Variants in PCDHGA2 observed in about 807,000 individuals in gnomAD.
The protein encoded by PCDHGA2 is protocadherin gamma-A2.
A neutral mutation model predicts 59.2 loss-of-function variants in PCDHGA2; 40 were observed. The ratio of observed to expected loss-of-function variants is 0.68; its 90% CI spans 0.52 to 0.88. PCDHGA2 has a LOEUF of 0.88. Among genes scored for constraint, PCDHGA2 ranks in the 40% least tolerant of loss-of-function variants. The pLI is 0.00. For synonymous variants in PCDHGA2, 560 were observed against 526.0 expected, an observed-to-expected ratio of 1.06 and a Z score of -0.89; for missense variants, 1,226 against 1,204.0, an observed-to-expected ratio of 1.02 and a Z score of -0.27.
chr5:141,366,208 G>A (rs1017414789), intron 1 of PCDHGA2: 2 of 1,613,700 alleles, frequency 1.2e-6, no homozygotes, highest in African/African-American at 1.3e-5. Flanking sequence ...CGGGCGAGGT[G>A]CGCACAGCGC....
At chr5:141,368,027 C>A (rs1267918873) in intron 1 of PCDHGA2, among the ~76,000 whole-genome samples, 1 of 152,084 alleles carries the variant, frequency 6.6e-6, no homozygotes, top group Non-Finnish European at 1.5e-5. Flanking sequence ...GCCTCAAATT[C>A]CAGGAGGATG....
intron 1 of PCDHGA2, among the ~76,000 whole-genome samples, chr5:141,453,065 G>A (rs1308047230): frequency 3.3e-5 from 5 of 151,960 alleles, no homozygotes; most frequent in African/African-American, 1.2e-4. Flanking sequence ...TTAGAGTTTT[G>A]CCACACTCTG....
intron 1 of PCDHGA2, chr5:141,414,594 C>T: frequency 1.2e-6 from 2 of 1,613,952 alleles, no homozygotes; most frequent in Non-Finnish European, 1.7e-6. Flanking sequence ...CCAGGGGTGC[C>T]TCCATCTTCT....
chr5:141,489,775 T>C lies in PCDHGA2; in HGVS notation c.2425-5032T>C, dbSNP rs748163008. The C allele has an allele frequency of 6.2e-7, 1 of 1,614,110 alleles. No homozygotes were observed. The highest frequency in any genetic ancestry group is 8.5e-7 in the Non-Finnish European group (1 of 1,179,986). Reference sequence around the variant, plus strand: ...CACTCTAAGCCCCAACAGCCACTTCTCTCTGAATGTGAAGACCCTAAAAGA... The same window carrying C: ...CACTCTAAGCCCCAACAGCCACTTCCCTCTGAATGTGAAGACCCTAAAAGA... On this transcript the variant is annotated intron_variant, in intron 1 of 3. Coordinates refer to ENST00000394576, the MANE Select transcript of PCDHGA2 (RefSeq NM_018915.4). This position sits in a 1 kb window ranked among gnomAD's most constrained non-coding sequence, Gnocchi z 4.5.
intron 1 of PCDHGA2, among the ~76,000 whole-genome samples, chr5:141,435,043 C>T (rs2097739230): frequency 1.3e-5 from 2 of 151,658 alleles, no homozygotes; most frequent in African/African-American, 2.4e-5. Flanking sequence ...ATTTTTTTCC[C>T]ATTGACCATG....
At chr5:141,415,753 T>TG in intron 1 of PCDHGA2, 2 of 1,381,386 alleles carry the variant, frequency 1.4e-6, no homozygotes, top group Non-Finnish European at 1.9e-6. Context: ...TTTTTTTTTT[T>TG]TTTTTTTTTT....
chr5:141,368,313 G>A (rs1765575616), intron 1 of PCDHGA2, among the ~76,000 whole-genome samples: 1 of 152,024 alleles, frequency 6.6e-6, no homozygotes, highest in South Asian at 2.1e-4. Flanking sequence ...CTGTTAAAGA[G>A]CATTCAAGTA....
Position 141,487,650 on chromosome 5 carries a change from G to T in PCDHGA2, c.2425-7157G>T, listed in dbSNP as rs772715932. The T allele has an allele frequency of 6.8e-6, 11 of 1,613,876 alleles. No individual in the cohort carries two copies. Among genetic ancestry groups the T allele is most frequent in the Admixed American group, 1.7e-5 (1 of 59,978 alleles). On this transcript the variant is annotated intron_variant, in intron 1 of 3. Coordinates refer to ENST00000394576, the MANE Select transcript of PCDHGA2 (RefSeq NM_018915.4). This position sits in a 1 kb window ranked among gnomAD's most constrained non-coding sequence, Gnocchi z 5.0. ...TTGCAGGCTCAACAAATGCTTGAGG[G>T]TTATTCTGATCCAGGCATATGGCTA...
At chr5:141,385,318 A>G (rs373167861) in intron 1 of PCDHGA2, 2 of 1,610,212 alleles carry the variant, frequency 1.2e-6, no homozygotes, top group Non-Finnish European at 1.7e-6. Context: ...CCTGCCAAGT[A>G]TTCAGGTGAG....
chr5:141,375,150 T>G, intron 1 of PCDHGA2: 1 of 1,613,946 alleles, frequency 6.2e-7, no homozygotes, highest in Non-Finnish European at 8.5e-7. Context: ...AGCAGAACAA[T>G]TGCTGAAAGT....
At chr5:141,474,215 A>G (rs1393533136) in intron 1 of PCDHGA2, among the ~76,000 whole-genome samples, 1 of 152,216 alleles carries the variant, frequency 6.6e-6, no homozygotes, top group East Asian at 1.9e-4. Context: ...CAAAAACCAG[A>G]TTGTGAATTA....
In PCDHGA2 at chr5:141,421,099, G is replaced by A. The variant is rs941392242; in HGVS notation, c.2425-73708G>A. ...GATACTCACAGATCCTGACACTGGA[G>A]ACTTAGAAGTATTTTCCTTCGCTTT... is the stretch of plus-strand genomic sequence containing the variant. On this transcript the variant is annotated intron_variant, in intron 1 of 3. Coordinates refer to ENST00000394576, the MANE Select transcript of PCDHGA2 (RefSeq NM_018915.4). 1.2e-5 allele frequency: 8 copies of A among 680,384 alleles called. No individual in the cohort carries two copies. In the Admixed American group the frequency reaches 1.2e-4, roughly 11 times the overall value. 42.1% of individuals were successfully genotyped at this position (680,384 alleles called of 1,614,324 possible).
chr5:141,393,853 T>A, intron 1 of PCDHGA2: 1 of 1,613,992 alleles, frequency 6.2e-7, no homozygotes, highest in Admixed American at 1.7e-5. Context: ...AGACCAGAAG[T>A]GATCATTACG....
At chr5:141,361,502 C>T in intron 1 of PCDHGA2, 5 of 1,614,038 alleles carry the variant, frequency 3.1e-6, no homozygotes, top group Non-Finnish European at 4.2e-6. Context: ...CAACAGACTT[C>T]CTACATGGTT....
In PCDHGA2 at chr5:141,405,345, A is replaced by G. The variant is rs758657243; in HGVS notation, c.2424+63950A>G. 3 of 1,613,944 alleles carry G rather than the reference A, an allele frequency of 1.9e-6. No homozygotes were observed. In the South Asian group the frequency reaches 3.3e-5, roughly 18 times the overall value. On this transcript the variant is annotated intron_variant, in intron 1 of 3. Coordinates refer to ENST00000394576, the MANE Select transcript of PCDHGA2 (RefSeq NM_018915.4). ...CCTTTGTGCGTCTCTGTTGATTCCA[A>G]GTTTCCTATAGAAGACACCCCTTTG...
chr5:141,365,265 C>A lies in PCDHGA2; in HGVS notation c.2424+23870C>A, dbSNP rs759196627. ...CTACAATCACTGGACTATGAAGAAT[C>A]CAGATTCTACCTCATGGAAGTGGTA... is the stretch of plus-strand genomic sequence containing the variant. On this transcript the variant is annotated intron_variant, in intron 1 of 3. Transcript: ENST00000394576. 53 of 1,613,846 alleles carry A rather than the reference C, an allele frequency of 3.3e-5. 1 individual carries two copies. The South Asian group carries it at 5.4e-4, about 16-fold the overall frequency.
chr5:141,436,040 C>T (rs989038133), intron 1 of PCDHGA2, among the ~76,000 whole-genome samples: 1 of 152,060 alleles, frequency 6.6e-6, no homozygotes, highest in African/African-American at 2.4e-5. Context: ...TTTGTATTTA[C>T]ATTAGTTTTC....
Position 141,489,510 on chromosome 5 carries a change from T to A in PCDHGA2, c.2425-5297T>A, listed in dbSNP as rs762210983. 1 of 1,614,124 alleles carries A rather than the reference T, an allele frequency of 6.2e-7. No individual in the cohort carries two copies. The highest frequency in any genetic ancestry group is 1.7e-5 in the Admixed American group (1 of 60,022). On this transcript the variant is annotated intron_variant, in intron 1 of 3. Transcript: ENST00000394576. This position sits in a 1 kb window ranked among gnomAD's most constrained non-coding sequence, Gnocchi z 4.5. Reference sequence around the variant, plus strand: ...GTGCCCTGGCAGTGAATCAAAAGATTGACCGAGAAAGCCTATGTGGAGCCA... The same window carrying A: ...GTGCCCTGGCAGTGAATCAAAAGATAGACCGAGAAAGCCTATGTGGAGCCA...
chr5:141,409,577 G>A, intron 1 of PCDHGA2: 1 of 1,613,920 alleles, frequency 6.2e-7, no homozygotes, highest in South Asian at 1.1e-5. Context: ...GTCCTACGTG[G>A]TCCACGTGGC....
Sources: gnomAD v4.1 joint callset for allele counts (sites outside exome capture counted in the v4.1 genomes callset) on GRCh38, gnomAD v4.1.1 for gene constraint, Gnocchi (gnomAD v3.1) non-coding constraint, MANE v1.5 for transcripts, NCBI Gene and HGNC (gene_info 2026-07-23, HGNC 2026-07-21) for gene names.